IL1RAPL1: variants seen among roughly 807,000 people sequenced by gnomAD.
IL1RAPL1 encodes the protein interleukin 1 receptor accessory protein like 1, also known as interleukin-1 receptor accessory protein-like 1.
In IL1RAPL1, 3 loss-of-function variants were observed where a neutral mutation model predicts 48.4. That is an observed-to-expected ratio of 0.06 (90% confidence interval 0.03 to 0.16). The LOEUF (loss-of-function observed/expected upper bound fraction) is 0.16, where lower values mean the gene tolerates loss of function less well. Ranked by LOEUF, IL1RAPL1 falls within the 10% of genes least tolerant of loss-of-function variation. IL1RAPL1 has a pLI of 1.00. For synonymous variants in IL1RAPL1, 185 were observed against 187.7 expected (o/e 0.99, Z 0.12); for missense variants, 349 against 530.6 (o/e 0.66, Z 3.36).
chrX:29,068,588 A>G (rs922872659), intron 2 of IL1RAPL1, among the ~76,000 whole-genome samples: 1 of 112,559 alleles, frequency 8.9e-6, no homozygotes, highest in Non-Finnish European at 1.9e-5. Flanking sequence ...AGAGAGATGC[A>G]GGAAGACCAT....
chrX:29,737,165 T>C (rs1928070009), intron 6 of IL1RAPL1, among the ~76,000 whole-genome samples: 1 of 112,593 alleles, frequency 8.9e-6, no homozygotes, highest in African/African-American at 3.2e-5. Flanking sequence ...AGTGCATATT[T>C]TAAGATGTTT....
chrX:29,093,263 A>G (rs1317184334), intron 2 of IL1RAPL1, among the ~76,000 whole-genome samples: 2 of 110,935 alleles, frequency 1.8e-5, no homozygotes, highest in Non-Finnish European at 3.8e-5. Context: ...CTTCTGGGGA[A>G]GCCTCAGGAA....
At chrX:29,915,275 C>CA (rs771532786) in intron 6 of IL1RAPL1, among the ~76,000 whole-genome samples, 62 of 111,563 alleles carry the variant, frequency 5.6e-4, no homozygotes, top group Middle Eastern at 4.6e-3. Context: ...TTAGCCTGGG[C>CA]GACAGAGGAA....
chrX:28,761,012 G>C lies in IL1RAPL1; in HGVS notation c.-24-28308G>C, dbSNP rs776898950. ...GAGGTGGGAGAATTGCTTGAACCTGGGGGGGCAGAGGTTGTAGTGAGCTGA... is the reference window on the plus strand; with the variant it reads ...GAGGTGGGAGAATTGCTTGAACCTGCGGGGGCAGAGGTTGTAGTGAGCTGA... On this transcript the variant is annotated intron_variant, in intron 1 of 10. Coordinates refer to ENST00000378993, the MANE Select transcript of IL1RAPL1 (RefSeq NM_014271.4). Among the ~76,000 whole-genome samples, 5 of 108,468 alleles carry C rather than the reference G, an allele frequency of 4.6e-5. No individual in the cohort carries two copies. In the East Asian group the frequency reaches 1.5e-3, roughly 32 times the overall value. 94.2% of individuals were successfully genotyped at this position (108,468 alleles called of 115,157 possible).
chrX:28,845,390 T>A (rs1004574832), intron 2 of IL1RAPL1, among the ~76,000 whole-genome samples: 3 of 111,587 alleles, frequency 2.7e-5, no homozygotes, highest in Admixed American at 9.6e-5. Context: ...ATTAAAAAAA[T>A]TTATCAAAAT....
chrX:29,184,476 A>C (rs931994765), intron 2 of IL1RAPL1, among the ~76,000 whole-genome samples: 5 of 111,541 alleles, frequency 4.5e-5, no homozygotes, highest in African/African-American at 1.6e-4. Context: ...CCATTGAGCC[A>C]CTTAAATTAT....
chrX:29,881,243 A>G, intron 6 of IL1RAPL1, among the ~76,000 whole-genome samples: 1 of 111,251 alleles, frequency 9.0e-6, no homozygotes. Context: ...TCATAAATAT[A>G]GCTGACACCA....
At position 29,707,940 on chromosome X, in the gene IL1RAPL1, TAATAA is replaced by T. The variant is rs200789169; in HGVS notation, c.778+39463_778+39467del. ...CCTGTTCCCCAGAAACCTATTGAAATAATAAAATAAAATAAAATAAAATAAAATAA... is the reference window on the plus strand; with the variant it reads ...CCTGTTCCCCAGAAACCTATTGAAATAATAAAATAAAATAAAATAAAATAA... On this transcript the variant is annotated intron_variant, in intron 6 of 10. Coordinates refer to ENST00000378993, the MANE Select transcript of IL1RAPL1 (RefSeq NM_014271.4). Among the ~76,000 whole-genome samples, 91 of 107,944 alleles carry T rather than the reference TAATAA, an allele frequency of 8.4e-4. No homozygotes were observed. The South Asian group carries it at 0.016, about 19-fold the overall frequency. 93.7% of individuals were successfully genotyped at this position (107,944 alleles called of 115,157 possible). A position where few individuals can be genotyped will look rare whatever the true frequency, so the allele number is the denominator to read the frequency against.
At chrX:28,746,662 A>G (rs1399784633) in intron 1 of IL1RAPL1, among the ~76,000 whole-genome samples, 1 of 111,967 alleles carries the variant, frequency 8.9e-6, no homozygotes, top group Non-Finnish European at 1.9e-5. Flanking sequence ...TAAAATAGTT[A>G]TTATGCCTTA....
At chrX:28,727,471 C>A in intron 1 of IL1RAPL1, among the ~76,000 whole-genome samples, 1 of 106,205 alleles carries the variant, frequency 9.4e-6, no homozygotes, top group African/African-American at 3.5e-5. Flanking sequence ...ACAATCATGT[C>A]GTCTGCAAAG....
At chrX:29,457,187 CT>C (rs34148272) in intron 5 of IL1RAPL1, among the ~76,000 whole-genome samples, 4,061 of 94,889 alleles carry the variant, frequency 0.043, 237 homozygotes, top group African/African-American at 0.14. Context: ...TACCTCTATT[CT>C]TTTTTTTTTT....
intron 2 of IL1RAPL1, among the ~76,000 whole-genome samples, chrX:29,123,236 G>T (rs1928834011): frequency 9.1e-6 from 1 of 109,330 alleles, no homozygotes; most frequent in Admixed American, 9.9e-5. Flanking sequence ...CACCATGGTG[G>T]CCAGGCTGGT....
At chrX:28,865,452 A>AAT (rs1922056694) in intron 2 of IL1RAPL1, among the ~76,000 whole-genome samples, 1 of 109,938 alleles carries the variant, frequency 9.1e-6, no homozygotes, top group Non-Finnish European at 1.9e-5. Flanking sequence ...AAAAAAAAAA[A>AAT]AATTAAGAGT....
intron 2 of IL1RAPL1, among the ~76,000 whole-genome samples, chrX:29,107,540 T>C (rs1928472571): frequency 8.9e-6 from 1 of 111,743 alleles, no homozygotes; most frequent in Non-Finnish European, 1.9e-5. Context: ...GAGGTTTCAG[T>C]AGGATTTAGC....
At chrX:29,812,936 G>A (rs1297454670) in intron 6 of IL1RAPL1, among the ~76,000 whole-genome samples, 2 of 111,239 alleles carry the variant, frequency 1.8e-5, no homozygotes, top group Non-Finnish European at 3.8e-5. Context: ...CTTTAACCTT[G>A]AAACCTGACA....
chrX:29,791,427 C>CT (rs772185346), intron 6 of IL1RAPL1, among the ~76,000 whole-genome samples: 3,013 of 99,710 alleles, frequency 0.03, 117 homozygotes, highest in African/African-American at 0.099. Context: ...TTCTTTTTAT[C>CT]TTTTTTTTTT....
intron 2 of IL1RAPL1, among the ~76,000 whole-genome samples, chrX:28,839,869 G>C (rs1384395469): frequency 1.9e-5 from 2 of 104,990 alleles, no homozygotes; most frequent in African/African-American, 7.6e-5. Flanking sequence ...CATGACATCA[G>C]TTACCTCTGT....
At chrX:29,712,479 TAAG>T (rs1217814766) in intron 6 of IL1RAPL1, among the ~76,000 whole-genome samples, 3 of 112,097 alleles carry the variant, frequency 2.7e-5, no homozygotes, top group African/African-American at 6.5e-5. Flanking sequence ...TTGTTTAAAA[TAAG>T]AACTTAAATC....
chrX:29,458,787 CAA>C (rs1934770366), intron 5 of IL1RAPL1, among the ~76,000 whole-genome samples: 2 of 108,968 alleles, frequency 1.8e-5, no homozygotes, highest in Non-Finnish European at 3.8e-5. Context: ...CTCCTGGGCT[CAA>C]GTGATCCTCC....
Sources: gnomAD v4.1 joint callset for allele counts (sites outside exome capture counted in the v4.1 genomes callset) on GRCh38, gnomAD v4.1.1 for gene constraint, MANE v1.5 for transcripts, NCBI Gene and HGNC (gene_info 2026-07-23, HGNC 2026-07-21) for gene names.